Variants in OAT observed in about 807,000 individuals in gnomAD.
OAT encodes the protein ornithine aminotransferase, also known as ornithine aminotransferase, mitochondrial.
OAT carries 35 observed loss-of-function variants against 48.4 expected under a neutral mutation model. The ratio of observed to expected loss-of-function variants is 0.72; its 90% CI spans 0.55 to 0.96. The LOEUF is 0.96. Ranked by LOEUF, OAT falls within the 40% of genes least tolerant of loss-of-function variation. The pLI is 0.00. For missense variants in OAT, 438 were observed against 537.9 expected, an observed-to-expected ratio of 0.81 and a Z score of 1.84; for synonymous variants, 182 against 198.4, an observed-to-expected ratio of 0.92 and a Z score of 0.70.
At chr10:124,398,364 T>C (rs984516573) in intron 9 of OAT, among the ~76,000 whole-genome samples, 4 of 151,732 alleles carry the variant, frequency 2.6e-5, no homozygotes, top group Admixed American at 2.6e-4. Flanking sequence ...AAAAATTAGC[T>C]GGGCATCATG....
At chr10:124,409,961 G>A (rs921197177) in intron 2 of OAT, among the ~76,000 whole-genome samples, 1 of 152,252 alleles carries the variant, frequency 6.6e-6, no homozygotes, top group East Asian at 1.9e-4. Context: ...TTGCTAGTGG[G>A]AAAGTAAAAA....
At chr10:124,399,596 C>T (rs941081980) in intron 9 of OAT, among the ~76,000 whole-genome samples, 3 of 152,030 alleles carry the variant, frequency 2.0e-5, no homozygotes, top group Admixed American at 6.6e-5. Flanking sequence ...CCACCCGTCT[C>T]GGCCTCCCAA....
Position 124,403,891 on chromosome 10 carries a change from C to CGCA in OAT, c.675_677dup (p.Ala226dup). ...CACCCTGAATTGGTTCTACCATGAA[C>CGCA]GCAGCCACATTTGGATCCTGAAGAG... On this transcript the variant is annotated inframe_insertion, in exon 6 of 10. Transcript: ENST00000368845. 6.2e-7 allele frequency: 1 copy of CGCA among 1,614,114 alleles called. No homozygotes were observed. Among genetic ancestry groups the CGCA allele is most frequent in the Non-Finnish European group, 8.5e-7 (1 of 1,179,982 alleles).
chr10:124,403,138 C>G (rs375052052), intron 6 of OAT, 83 bp from the exon 7 acceptor site: 12 of 1,464,556 alleles, frequency 8.2e-6, no homozygotes, highest in Non-Finnish European at 2.9e-6. Context: ...ACTGTCCCCC[C>G]ACCAACAATA....
chr10:124,417,135 G>T (rs1176697530), intron 1 of OAT, among the ~76,000 whole-genome samples: 1 of 151,984 alleles, frequency 6.6e-6, no homozygotes, highest in African/African-American at 2.4e-5. Context: ...GCACGCTATG[G>T]GGATAATACA....
intron 5 of OAT, 79 bp from the exon 6 acceptor site, chr10:124,403,999 T>A: frequency 6.5e-7 from 1 of 1,545,758 alleles, no homozygotes; most frequent in South Asian, 1.1e-5. Flanking sequence ...ACCACACATA[T>A]TTTACATTAA....
chr10:124,407,542 G>T, intron 4 of OAT: 1 of 711,866 alleles, frequency 1.4e-6, no homozygotes. Context: ...TCTTCTTTGG[G>T]AATACCAATC....
rs1951679934 is a variant in OAT at position 124,408,973 on chromosome 10, A to G, written c.200-8T>C. On this transcript the variant is annotated splice_polypyrimidine_tract_variant and splice_region_variant and intron_variant, in intron 2 of 9. Transcript: ENST00000368845. Reference sequence around the variant, plus strand: ...CATCCCATAAGTAAATACCTAAAATACATAAGAAAGGAAAATAATTTTAGA... The same window carrying G: ...CATCCCATAAGTAAATACCTAAAATGCATAAGAAAGGAAAATAATTTTAGA... 6.2e-7 allele frequency: 1 copy of G among 1,601,150 alleles called. No individual in the cohort carries two copies. The highest frequency in any genetic ancestry group is 8.6e-7 in the Non-Finnish European group (1 of 1,168,450).
At position 124,408,538 on chromosome 10, in the gene OAT, A is replaced by G. The variant is rs952494812; in HGVS notation, c.520+4T>C. The G allele has an allele frequency of 1.9e-6, 3 of 1,604,790 alleles. No individual in the cohort carries two copies. Among genetic ancestry groups the G allele is most frequent in the Non-Finnish European group, 2.6e-6 (3 of 1,173,638 alleles). Reference sequence around the variant, plus strand: ...CATAGAAGTTAATATTTAATTTCACATACCTGCAAAAACAATCTTTGCTTT... The same window carrying G: ...CATAGAAGTTAATATTTAATTTCACGTACCTGCAAAAACAATCTTTGCTTT... On this transcript the variant is annotated splice_donor_region_variant and intron_variant, in intron 4 of 9. Coordinates refer to ENST00000368845, the MANE Select transcript of OAT (RefSeq NM_000274.4).
At chr10:124,404,230 G>A (rs1420274871) in intron 5 of OAT, among the ~76,000 whole-genome samples, 1 of 151,812 alleles carries the variant, frequency 6.6e-6, no homozygotes, top group Non-Finnish European at 1.5e-5. Flanking sequence ...AGCCTGCCAA[G>A]TAGCTGCGCA....
chr10:124,403,968 C>G (rs780729508), intron 5 of OAT, 48 bp from the exon 6 acceptor site: 1 of 1,611,068 alleles, frequency 6.2e-7, no homozygotes, highest in Admixed American at 1.7e-5. Context: ...TTCTACCACA[C>G]TTGGAAATCT....
chr10:124,403,237 C>T (rs1364813924), intron 6 of OAT, 182 bp from the exon 7 acceptor site: 1 of 682,790 alleles, frequency 1.5e-6, no homozygotes, highest in Non-Finnish European at 2.5e-6. Context: ...CTTGTAGACT[C>T]ACCAACTATT....
chr10:124,408,822 A>C lies in OAT; in HGVS notation c.343T>G (p.Phe115Val). ...TATTCACCAAGTACGTTATTATAGA[A>C]AGCTCTAGATGTTAAGGTCAATTTG... is the stretch of plus-strand genomic sequence containing the variant. ...VDKLTLTSRA[F>V]YNNVLGEYEE... The change falls in exon 3 of 10, where the codon TTC (phenylalanine) becomes GTC (valine). Residue 115 changes from phenylalanine (F) to valine (V), a missense_variant. Physicochemically the swap from Phe to Val is conservative, Grantham distance 50. Coordinates refer to ENST00000368845, the MANE Select transcript of OAT (RefSeq NM_000274.4). 1.2e-6 allele frequency: 2 copies of C among 1,612,666 alleles called. No individual in the cohort carries two copies. Among genetic ancestry groups the C allele is most frequent in the Non-Finnish European group, 8.5e-7 (1 of 1,179,876 alleles).
chr10:124,406,856 T>A (rs1951594531), intron 4 of OAT: 11 of 457,744 alleles, frequency 2.4e-5, no homozygotes, highest in Non-Finnish European at 2.8e-5. Flanking sequence ...ACTGGCAAGA[T>A]CCCTATCCTC....
At chr10:124,405,290 C>A in intron 5 of OAT, 146 bp downstream of exon 5, 1 of 1,170,650 alleles carries the variant, frequency 8.5e-7, no homozygotes, top group Non-Finnish European at 1.2e-6. Context: ...ACTAATTGAT[C>A]GCTACTGAGA....
rs1351835959 is a variant in OAT at position 124,411,232 on chromosome 10, C to T, written c.199+741G>A. 2.7e-5 allele frequency among the ~76,000 whole-genome samples: 4 copies of T among 148,826 alleles called. No homozygotes were observed. In the Admixed American group the frequency reaches 2.7e-4, roughly 10 times the overall value. On this transcript the variant is annotated intron_variant, in intron 2 of 9. Transcript: ENST00000368845. ...CAGAAAACAATGTAGAATATGCAGG[C>T]GGCGGGGGGAGAAGAGAAGGGAGTG...
chr10:124,409,439 C>T (rs1047023928), intron 2 of OAT, among the ~76,000 whole-genome samples: 2 of 151,878 alleles, frequency 1.3e-5, no homozygotes, highest in Non-Finnish European at 2.9e-5. Flanking sequence ...CGTATGGTCC[C>T]GTTACAGAGG....
At chr10:124,416,968 T>A (rs999882277) in intron 1 of OAT, among the ~76,000 whole-genome samples, 1 of 151,904 alleles carries the variant, frequency 6.6e-6, no homozygotes. Context: ...AAACAACTAG[T>A]TTTACTACTG....
chr10:124,409,249 A>C (rs895799284), intron 2 of OAT, among the ~76,000 whole-genome samples: 5 of 152,242 alleles, frequency 3.3e-5, no homozygotes, highest in Non-Finnish European at 7.3e-5. Flanking sequence ...TCTAAGATTT[A>C]GGATCCAAAA....
Sources: allele counts gnomAD v4.1 joint callset (sites outside exome capture counted in the v4.1 genomes callset), GRCh38; gene constraint gnomAD v4.1.1; transcripts MANE v1.5; gene names NCBI Gene and HGNC (gene_info 2026-07-23, HGNC 2026-07-21).